Variants in MACROD2 observed in about 807,000 individuals in gnomAD.
MACROD2 encodes mono-ADP ribosylhydrolase 2.
In MACROD2, 36 loss-of-function variants were observed where a neutral mutation model predicts 70.4. The ratio of observed to expected loss-of-function variants is 0.51; its 90% CI spans 0.39 to 0.68. The LOEUF (loss-of-function observed/expected upper bound fraction) is 0.68, where lower values mean the gene tolerates loss of function less well. Among genes scored for constraint, MACROD2 ranks in the 30% least tolerant of loss-of-function variants. MACROD2 has a pLI of 0.00. For synonymous variants in MACROD2, 172 were observed against 178.8 expected (o/e 0.96, Z 0.30); for missense variants, 496 against 538.4 (o/e 0.92, Z 0.78).
At chr20:14,230,044 T>C (rs923508993) in intron 3 of MACROD2, among the ~76,000 whole-genome samples, 2 of 152,194 alleles carry the variant, frequency 1.3e-5, no homozygotes, top group African/African-American at 4.8e-5. Flanking sequence ...AATTTAAAAA[T>C]ACTTAATTGC....
chr20:14,445,207 C>G (rs1189389117), intron 3 of MACROD2, among the ~76,000 whole-genome samples: 1 of 152,058 alleles, frequency 6.6e-6, no homozygotes, highest in East Asian at 1.9e-4. Context: ...AGCGGTCTTT[C>G]TATTGAACTT....
intron 8 of MACROD2, among the ~76,000 whole-genome samples, chr20:15,804,041 A>G (rs1371144371): frequency 1.3e-5 from 2 of 152,192 alleles, no homozygotes; most frequent in African/African-American, 4.8e-5. Flanking sequence ...AGATGTTTGC[A>G]CCTAATTTAA....
At chr20:14,212,971 G>C (rs1441894030) in intron 3 of MACROD2, among the ~76,000 whole-genome samples, 10 of 151,726 alleles carry the variant, frequency 6.6e-5, no homozygotes, top group Non-Finnish European at 1.5e-4. Flanking sequence ...GCTGAGTAAA[G>C]GCTGTTGTCA....
chr20:15,140,676 AC>A (rs1568597104), intron 5 of MACROD2, among the ~76,000 whole-genome samples: 1 of 152,156 alleles, frequency 6.6e-6, no homozygotes, highest in Non-Finnish European at 1.5e-5. Flanking sequence ...GCTGGCTGGA[AC>A]ATGGTCTGGG....
chr20:14,635,120 G>A (rs1984718589), intron 4 of MACROD2, among the ~76,000 whole-genome samples: 1 of 152,168 alleles, frequency 6.6e-6, no homozygotes, highest in Non-Finnish European at 1.5e-5. Context: ...GAAACTCCAG[G>A]AAAATCCTAA....
intron 6 of MACROD2, among the ~76,000 whole-genome samples, chr20:15,338,938 C>T (rs919736033): frequency 7.2e-5 from 11 of 151,816 alleles, no homozygotes; most frequent in Non-Finnish European, 1.6e-4. Context: ...GAATGGTACA[C>T]TCTGTATATT....
chr20:15,664,303 T>A (rs576804148), intron 8 of MACROD2, among the ~76,000 whole-genome samples: 3 of 152,302 alleles, frequency 2.0e-5, no homozygotes, highest in Admixed American at 2.0e-4. Flanking sequence ...GATTAAATGA[T>A]CAAAGACAGA....
intron 12 of MACROD2, among the ~76,000 whole-genome samples, chr20:15,957,370 A>T (rs2065992181): frequency 6.6e-6 from 1 of 152,186 alleles, no homozygotes; most frequent in African/African-American, 2.4e-5. Context: ...AATGTGAAAA[A>T]CATGCACTTT....
intron 4 of MACROD2, among the ~76,000 whole-genome samples, chr20:14,585,103 G>C (rs138989723): frequency 2.6e-5 from 4 of 152,268 alleles, no homozygotes; most frequent in African/African-American, 9.6e-5. Flanking sequence ...TGTTGGCCTT[G>C]CTAGAGCAGC....
intron 4 of MACROD2, among the ~76,000 whole-genome samples, chr20:14,607,517 T>C (rs1338181576): frequency 6.6e-6 from 1 of 152,166 alleles, no homozygotes; most frequent in Non-Finnish European, 1.5e-5. Context: ...GGACTCACAC[T>C]GCTCAATAAC....
intron 3 of MACROD2, among the ~76,000 whole-genome samples, chr20:14,094,634 C>T (rs1228532238): frequency 6.6e-6 from 1 of 152,132 alleles, no homozygotes; most frequent in Non-Finnish European, 1.5e-5. Context: ...ACAGCCATAA[C>T]CTTCATTTAA....
chr20:14,392,293 C>T (rs111734994), intron 3 of MACROD2, among the ~76,000 whole-genome samples: 263 of 152,082 alleles, frequency 1.7e-3, no homozygotes, highest in African/African-American at 5.9e-3. Context: ...TTCCTCTCTC[C>T]GTTCTTTCCT....
chr20:14,478,404 G>T (rs1341643108), intron 3 of MACROD2, among the ~76,000 whole-genome samples: 1 of 152,178 alleles, frequency 6.6e-6, no homozygotes, highest in Non-Finnish European at 1.5e-5. Flanking sequence ...ACTATCTGCT[G>T]TCATTTGAAT....
intron 5 of MACROD2, among the ~76,000 whole-genome samples, chr20:15,085,062 A>G (rs146949589): frequency 6.6e-6 from 1 of 152,292 alleles, no homozygotes; most frequent in African/African-American, 2.4e-5. Context: ...TCAAAATATA[A>G]ATCAATAGAA....
chr20:14,114,818 G>T (rs558436375), intron 3 of MACROD2, among the ~76,000 whole-genome samples: 6 of 152,280 alleles, frequency 3.9e-5, no homozygotes, highest in Admixed American at 3.9e-4. Flanking sequence ...CAGTGTCATT[G>T]ATTGGATATG....
chr20:15,012,379 C>G (rs1186618806), intron 5 of MACROD2, among the ~76,000 whole-genome samples: 1 of 152,132 alleles, frequency 6.6e-6, no homozygotes, highest in Admixed American at 6.5e-5. Context: ...AAGTGAGCAT[C>G]CAGCCCCAAG....
At chr20:15,144,762 T>G (rs558129659) in intron 5 of MACROD2, among the ~76,000 whole-genome samples, 60 of 152,230 alleles carry the variant, frequency 3.9e-4, no homozygotes, top group Middle Eastern at 3.4e-3. Flanking sequence ...TTTGGCAACA[T>G]TTCTGAACCA....
chr20:14,010,267 C>G (rs2052883552), intron 2 of MACROD2, among the ~76,000 whole-genome samples: 1 of 152,112 alleles, frequency 6.6e-6, no homozygotes, highest in African/African-American at 2.4e-5. Context: ...AAGAGAAAAT[C>G]TACTTACTGT....
chr20:15,195,403 C>A (rs936976321), intron 5 of MACROD2, among the ~76,000 whole-genome samples: 1 of 151,970 alleles, frequency 6.6e-6, no homozygotes, highest in Non-Finnish European at 1.5e-5. Flanking sequence ...AAAACAACTC[C>A]ATTAAAAAGT....
Sources: gnomAD v4.1 joint callset for allele counts (sites outside exome capture counted in the v4.1 genomes callset) on GRCh38, gnomAD v4.1.1 for gene constraint, MANE v1.5 for transcripts, NCBI Gene and HGNC (gene_info 2026-07-23, HGNC 2026-07-21) for gene names.